FRMD4A: variants seen among roughly 807,000 people sequenced by gnomAD.
FRMD4A encodes FERM domain containing 4A, also known as FERM domain-containing protein 4A.
A neutral mutation model predicts 129.1 loss-of-function variants in FRMD4A; 29 were observed. That is an observed-to-expected ratio of 0.22 (90% CI 0.17 to 0.31). FRMD4A has a LOEUF of 0.31. Among genes scored for constraint, FRMD4A ranks in the 10% least tolerant of loss-of-function variants. The pLI, the probability that FRMD4A is intolerant of heterozygous loss-of-function variation, is 1.00. For missense variants in FRMD4A, 1,272 were observed against 1,375.8 expected, an observed-to-expected ratio of 0.92 and a Z score of 1.19; for synonymous variants, 634 against 571.6, an observed-to-expected ratio of 1.11 and a Z score of -1.56.
At chr10:13,887,231 G>A (rs971696010) in intron 2 of FRMD4A, among the ~76,000 whole-genome samples, 4 of 152,134 alleles carry the variant, frequency 2.6e-5, no homozygotes, top group Non-Finnish European at 5.9e-5. Context: ...TGATTATTTG[G>A]TAGTAATAAG....
At chr10:13,845,926 C>A (rs1364767927) in intron 3 of FRMD4A, among the ~76,000 whole-genome samples, 2 of 152,212 alleles carry the variant, frequency 1.3e-5, no homozygotes, top group Non-Finnish European at 2.9e-5. Context: ...GTGCTGGAAC[C>A]TGCTGGTCCT....
chr10:13,793,601 T>C (rs2093050573), intron 5 of FRMD4A, among the ~76,000 whole-genome samples: 1 of 152,114 alleles, frequency 6.6e-6, no homozygotes, highest in African/African-American at 2.4e-5. Flanking sequence ...TCAGGCTGCG[T>C]CAAGATATGC....
At chr10:14,252,805 C>G (rs1019385199) in intron 2 of FRMD4A, among the ~76,000 whole-genome samples, 1 of 152,216 alleles carries the variant, frequency 6.6e-6, no homozygotes, top group Non-Finnish European at 1.5e-5. Context: ...CTTTGATCCA[C>G]TATGTTAGAA....
rs143277397 is a variant in FRMD4A, at chr10:13,878,085, T to C, written c.46-19173A>G. Reference sequence around the variant, plus strand: ...AACGAGAGTCTAAATATATCCAGGGTGCATATCATTAGTGAGCAGTTACAG... The same window carrying C: ...AACGAGAGTCTAAATATATCCAGGGCGCATATCATTAGTGAGCAGTTACAG... On this transcript the variant is annotated intron_variant, in intron 2 of 24. Transcript: ENST00000357447. Among the ~76,000 whole-genome samples the C allele has an allele frequency of 2.4e-4, 36 of 152,156 alleles. 1 individual carries two copies. The East Asian group carries it at 6.0e-3, about 25-fold the overall frequency.
chr10:13,789,458 T>C (rs2092941729), intron 5 of FRMD4A, among the ~76,000 whole-genome samples: 5 of 152,090 alleles, frequency 3.3e-5, no homozygotes, highest in Admixed American at 2.6e-4. Flanking sequence ...GGAGTTGAGA[T>C]GATCAGAACT....
chr10:13,924,627 A>G (rs1476919487), intron 2 of FRMD4A, among the ~76,000 whole-genome samples: 1 of 151,980 alleles, frequency 6.6e-6, no homozygotes, highest in Non-Finnish European at 1.5e-5. Flanking sequence ...TTTCTTCATG[A>G]TGTTACTTAT....
At chr10:13,973,908 G>A (rs1314016867) in intron 2 of FRMD4A, among the ~76,000 whole-genome samples, 1 of 151,998 alleles carries the variant, frequency 6.6e-6, no homozygotes, top group African/African-American at 2.4e-5. Context: ...ATATATTATA[G>A]TTAGTTTCAG....
At chr10:13,887,185 A>G (rs1262843409) in intron 2 of FRMD4A, among the ~76,000 whole-genome samples, 1 of 152,140 alleles carries the variant, frequency 6.6e-6, no homozygotes, top group Non-Finnish European at 1.5e-5. Context: ...AGAGGTTTTG[A>G]TTTGACTCAA....
intron 24 of FRMD4A, chr10:13,651,267 C>T (rs1301921458): frequency 1.3e-5 from 2 of 152,340 alleles, no homozygotes; most frequent in African/African-American, 2.4e-5. Context: ...GCTTTTGGTA[C>T]TCAGCACAGC....
rs969829852 is a variant in FRMD4A at position 14,028,425 on chromosome 10, G to A, written c.46-169513C>T. Among the ~76,000 whole-genome samples, 6 of 152,166 alleles carry A rather than the reference G, an allele frequency of 3.9e-5. No homozygotes were observed. The South Asian group carries it at 1.2e-3, about 32-fold the overall frequency. On this transcript the variant is annotated intron_variant, in intron 2 of 24. Coordinates refer to ENST00000357447, the MANE Select transcript of FRMD4A (RefSeq NM_018027.5). Reference sequence around the variant, plus strand: ...TCAGGGGACTCACTCTGGGACTTGGGGATGAGGGAGAGTCACTGACAAAGG... The same window carrying A: ...TCAGGGGACTCACTCTGGGACTTGGAGATGAGGGAGAGTCACTGACAAAGG...
chr10:13,663,677 G>A (rs6602673), intron 18 of FRMD4A, among the ~76,000 whole-genome samples, 168 bp from the exon 19 acceptor site: 1,908 of 152,240 alleles, frequency 0.013, 45 homozygotes, highest in African/African-American at 0.044. Context: ...GTCAGTCCCC[G>A]TGGTGGGTCA....
chr10:14,186,767 A>C (rs886115793), intron 2 of FRMD4A, among the ~76,000 whole-genome samples: 8 of 152,104 alleles, frequency 5.3e-5, no homozygotes, highest in Non-Finnish European at 1.2e-4. Context: ...GAGACTGGCA[A>C]AGAAGATCAT....
intron 20 of FRMD4A, 45 bp downstream of exon 20, chr10:13,660,271 G>A (rs1436471530): frequency 2.5e-6 from 3 of 1,215,076 alleles, no homozygotes; most frequent in Non-Finnish European, 3.7e-6. Flanking sequence ...TTCTTCCAGA[G>A]CATAGAGGGA....
chr10:13,667,200 C>A (rs1014237630), intron 17 of FRMD4A, among the ~76,000 whole-genome samples: 4 of 152,198 alleles, frequency 2.6e-5, no homozygotes, highest in Admixed American at 2.6e-4. Context: ...GTGTGAGCCA[C>A]CATGCCCGGC....
At position 13,670,520 on chromosome 10, in the gene FRMD4A, C is replaced by T. The variant is rs781003361; in HGVS notation, c.1260G>A (p.Thr420=). ...KKLCLREAEL[T]GKLPVEYPLD... ...GGGGATATTCTACTGGCAGCTTGCC[C>T]GTGAGCTCCTGCATATGTGAAATGG... Residue 420 remains threonine (T), a synonymous_variant, in exon 17 of 25, where the codon ACG becomes ACA. Coordinates refer to ENST00000357447, the MANE Select transcript of FRMD4A (RefSeq NM_018027.5). The T allele has an allele frequency of 1.1e-5, 17 of 1,612,760 alleles. No homozygotes were observed. The South Asian group carries it at 1.1e-4, about 10-fold the overall frequency.
At chr10:13,707,234 T>G in intron 12 of FRMD4A, 121 bp from the exon 13 acceptor site, 1 of 782,694 alleles carries the variant, frequency 1.3e-6, no homozygotes, top group Non-Finnish European at 2.1e-6. Context: ...GACCGTAGTC[T>G]GTGCCTCCTC....
chr10:13,851,960 T>C (rs901514220), intron 3 of FRMD4A, among the ~76,000 whole-genome samples: 11 of 151,382 alleles, frequency 7.3e-5, no homozygotes, highest in African/African-American at 2.2e-4. Context: ...TGTGGGACCA[T>C]CTAGTTGCAG....
At chr10:13,883,423 C>T (rs189160019) in intron 2 of FRMD4A, among the ~76,000 whole-genome samples, 24 of 152,086 alleles carry the variant, frequency 1.6e-4, no homozygotes, top group Non-Finnish European at 3.1e-4. Flanking sequence ...ACCTGGGAGG[C>T]GGAGGTTGTG....
At position 14,043,733 on chromosome 10, in the gene FRMD4A, T is replaced by C. The variant is rs922241; in HGVS notation, c.46-184821A>G. The stretch of plus-strand genomic sequence containing the variant: ...TTACAATAGAAGACACAAAATCAAA[T>C]TGACTTCTCATCAAACTAGCTGCAG... On this transcript the variant is annotated intron_variant, in intron 2 of 24. Coordinates refer to ENST00000357447, the MANE Select transcript of FRMD4A (RefSeq NM_018027.5). Among the ~76,000 whole-genome samples the C allele has an allele frequency of 8.7e-3, 1,320 of 152,330 alleles. 23 individuals are homozygous for C. Among genetic ancestry groups the C allele is most frequent in the African/African-American group, 0.03 (1,258 of 41,570 alleles).
Sources: gnomAD v4.1 joint callset for allele counts (sites outside exome capture counted in the v4.1 genomes callset) on GRCh38, gnomAD v4.1.1 for gene constraint, MANE v1.5 for transcripts, NCBI Gene and HGNC (gene_info 2026-07-23, HGNC 2026-07-21) for gene names.